The following CAMTA1 variants were observed in gnomAD, a reference collection of about 807,000 sequenced individuals.
CAMTA1 encodes calmodulin-binding transcription activator 1.
Under a neutral mutation model 170.9 loss-of-function variants are expected in CAMTA1, and 27 were observed. That is an observed-to-expected ratio of 0.16 (90% confidence interval 0.12 to 0.22). The LOEUF (loss-of-function observed/expected upper bound fraction) is 0.22, where lower values mean the gene tolerates loss of function less well. Ranked by LOEUF, CAMTA1 falls within the 10% of genes least tolerant of loss-of-function variation. The pLI is 1.00. For synonymous variants in CAMTA1, 833 were observed against 891.5 expected, an observed-to-expected ratio of 0.93 and a Z score of 1.17; for missense variants, 1,619 against 2,217.2, an observed-to-expected ratio of 0.73 and a Z score of 5.42.
chr1:6,841,216 G>T (rs1655562201), intron 3 of CAMTA1, among the ~76,000 whole-genome samples: 1 of 152,080 alleles, frequency 6.6e-6, no homozygotes, highest in African/African-American at 2.4e-5. Context: ...TAATTACGCC[G>T]AGTCCACCTG....
chr1:6,828,987 C>CTCAGGT (rs1219540555), intron 3 of CAMTA1, among the ~76,000 whole-genome samples: 2 of 151,344 alleles, frequency 1.3e-5, no homozygotes, highest in South Asian at 2.1e-4. Flanking sequence ...ACCTCCACCC[C>CTCAGGT]TCAGGTTCAA....
rs145528965 is a variant in CAMTA1, at chr1:7,036,340, G to A, written c.235-54964G>A. Among the ~76,000 whole-genome samples, 842 of 152,300 alleles carry A rather than the reference G, an allele frequency of 5.5e-3. 3 individuals carry two copies. Among genetic ancestry groups the A allele is most frequent in the Non-Finnish European group, 9.4e-3 (641 of 68,028 alleles). On this transcript the variant is annotated intron_variant, in intron 3 of 22. Coordinates refer to ENST00000303635, the MANE Select transcript of CAMTA1 (RefSeq NM_015215.4). ...AGAGAGAATGTGTGAACACATGATG[G>A]ATTCTCAGTTCTACGTGAAAACTGC...
chr1:7,423,149 C>T (rs538543699), intron 5 of CAMTA1, among the ~76,000 whole-genome samples: 6 of 152,314 alleles, frequency 3.9e-5, no homozygotes, highest in Admixed American at 6.5e-5. Flanking sequence ...GGCCTGGCCC[C>T]GGGCCAAGCC....
intron 4 of CAMTA1, among the ~76,000 whole-genome samples, chr1:7,094,162 G>T (rs1246211218): frequency 2.0e-5 from 3 of 152,196 alleles, no homozygotes; most frequent in African/African-American, 7.2e-5. Flanking sequence ...TCCACTCCAT[G>T]TTTACACTTG....
intron 6 of CAMTA1, among the ~76,000 whole-genome samples, chr1:7,548,365 C>G (rs555619547): frequency 6.6e-6 from 1 of 152,292 alleles, no homozygotes; most frequent in African/African-American, 2.4e-5. Flanking sequence ...CAGGGTGCGC[C>G]TTAGGAATGG....
intron 5 of CAMTA1, among the ~76,000 whole-genome samples, chr1:7,399,445 A>T (rs1272648072): frequency 6.6e-6 from 1 of 152,220 alleles, no homozygotes; most frequent in African/African-American, 2.4e-5. Flanking sequence ...ACCCAGCCTC[A>T]GGTATTCCTT....
intron 3 of CAMTA1, among the ~76,000 whole-genome samples, chr1:6,980,811 G>A (rs1304886380): frequency 6.6e-6 from 1 of 152,174 alleles, no homozygotes; most frequent in Non-Finnish European, 1.5e-5. Flanking sequence ...ATGTGGAACT[G>A]TGAGTCCATT....
At chr1:7,250,930 G>A (rs1168136303) in intron 5 of CAMTA1, among the ~76,000 whole-genome samples, 3 of 152,166 alleles carry the variant, frequency 2.0e-5, no homozygotes, top group African/African-American at 4.8e-5. Flanking sequence ...ACCGCTGATC[G>A]TACAAAGGCA....
intron 3 of CAMTA1, among the ~76,000 whole-genome samples, chr1:6,902,674 G>C (rs1269915410): frequency 6.6e-6 from 1 of 152,222 alleles, no homozygotes; most frequent in Non-Finnish European, 1.5e-5. Context: ...ACTTTGAACA[G>C]GTAGTTCACA....
chr1:7,728,911 C>T (rs964478023), intron 11 of CAMTA1, among the ~76,000 whole-genome samples: 1 of 152,148 alleles, frequency 6.6e-6, no homozygotes, highest in African/African-American at 2.4e-5. Context: ...TTACCCCACA[C>T]AGTGTGTATT....
At chr1:7,493,986 G>A (rs1295021114) in intron 6 of CAMTA1, among the ~76,000 whole-genome samples, 2 of 152,096 alleles carry the variant, frequency 1.3e-5, no homozygotes, top group Non-Finnish European at 2.9e-5. Context: ...TGCCCATCTC[G>A]GGAGGGCTAG....
chr1:6,963,350 G>C (rs546358834), intron 3 of CAMTA1, among the ~76,000 whole-genome samples: 1 of 123,944 alleles, frequency 8.1e-6, no homozygotes, highest in South Asian at 2.9e-4. Flanking sequence ...GCCCCTCCTT[G>C]CCCGCGCCGC....
chr1:7,538,518 G>T (rs1199015157), intron 6 of CAMTA1, among the ~76,000 whole-genome samples: 1 of 152,230 alleles, frequency 6.6e-6, no homozygotes, highest in Non-Finnish European at 1.5e-5. Flanking sequence ...AGGTGTGATG[G>T]CAAGTGCTTG....
chr1:6,806,403 A>G (rs1481098448), intron 1 of CAMTA1, among the ~76,000 whole-genome samples: 1 of 152,218 alleles, frequency 6.6e-6, no homozygotes, highest in Non-Finnish European at 1.5e-5. Context: ...AGAAGAGACA[A>G]CTGAGATATA....
At chr1:6,790,743 A>G (rs1422291034) in intron 1 of CAMTA1, among the ~76,000 whole-genome samples, 1 of 152,180 alleles carries the variant, frequency 6.6e-6, no homozygotes, top group Non-Finnish European at 1.5e-5. Flanking sequence ...CACTTTTATT[A>G]TATGACTTTT....
chr1:6,822,543 C>A (rs1179217715), intron 2 of CAMTA1, among the ~76,000 whole-genome samples: 2 of 152,070 alleles, frequency 1.3e-5, no homozygotes, highest in Admixed American at 1.3e-4. Flanking sequence ...ACCTAAAATT[C>A]TGGAAATGGT....
At chr1:7,329,196 AT>A (rs1186804183) in intron 5 of CAMTA1, among the ~76,000 whole-genome samples, 2 of 151,524 alleles carry the variant, frequency 1.3e-5, no homozygotes, top group Admixed American at 1.3e-4. Flanking sequence ...GAAAAAAAAA[AT>A]CCCAAGCTCT....
Position 7,455,591 on chromosome 1 carries a change from C to G in CAMTA1, c.439-12239C>G, listed in dbSNP as rs1050409355. 6.6e-6 allele frequency among the ~76,000 whole-genome samples: 1 copy of G among 152,220 alleles called. No homozygotes were observed. The highest frequency in any genetic ancestry group is 2.4e-5 in the African/African-American group (1 of 41,464). ...CCTGTTGTCCGTTTTAAGCAAGAAT[C>G]CCTGCCCAGACTCCCTGGCCACATG... On this transcript the variant is annotated intron_variant, in intron 5 of 22. Transcript: ENST00000303635. The surrounding 1 kb of genome is among the most constrained non-coding windows in gnomAD (Gnocchi z 5.0).
chr1:7,178,039 A>G lies in CAMTA1; in HGVS notation c.303-71452A>G, dbSNP rs980562831. On this transcript the variant is annotated intron_variant, in intron 4 of 22. Coordinates refer to ENST00000303635, the MANE Select transcript of CAMTA1 (RefSeq NM_015215.4). ...TTCCCAAGCACTGAGGCCTCATTCA[A>G]TACATCAAAGTCCCGCTCACATGCC... Among the ~76,000 whole-genome samples, 6 of 151,540 alleles carry G rather than the reference A, an allele frequency of 4.0e-5. No homozygotes were observed. In the East Asian group the frequency reaches 5.9e-4, roughly 15 times the overall value.
Sources: gnomAD v4.1 joint callset for allele counts (sites outside exome capture counted in the v4.1 genomes callset) on GRCh38, gnomAD v4.1.1 for gene constraint, Gnocchi (gnomAD v3.1) non-coding constraint, MANE v1.5 for transcripts, NCBI Gene and HGNC (gene_info 2026-07-23, HGNC 2026-07-21) for gene names.